Variants in RNF213 observed in about 807,000 individuals in gnomAD.
RNF213 encodes E3 ubiquitin-protein ligase RNF213.
A neutral mutation model predicts 514.4 loss-of-function variants in RNF213; 341 were observed. The ratio of observed to expected loss-of-function variants is 0.66; its 90% CI spans 0.61 to 0.73. RNF213 has a LOEUF of 0.73. RNF213 is among the 30% of genes least tolerant of loss of function. The pLI is 0.00. For missense variants in RNF213, 5,767 were observed against 6,615.6 expected, an observed-to-expected ratio of 0.87 and a Z score of 4.45; for synonymous variants, 2,655 against 2,658.2, an observed-to-expected ratio of 1.00 and a Z score of 0.04.
intron 3 of RNF213, among the ~76,000 whole-genome samples, chr17:80,283,549 G>T (rs1161089105): frequency 1.3e-5 from 2 of 152,218 alleles, no homozygotes; most frequent in Non-Finnish European, 2.9e-5. Context: ...GCCTCCCCGG[G>T]CTCTGCCCAA....
In RNF213 at chr17:80,340,018, T is replaced by C. The variant is rs2078104986; in HGVS notation, c.5651T>C (p.Leu1884Pro). 1 of 1,542,248 alleles carries C rather than the reference T, an allele frequency of 6.5e-7. No individual in the cohort carries two copies. The highest frequency in any genetic ancestry group is 1.2e-5 in the South Asian group (1 of 84,450). The stretch of plus-strand genomic sequence containing the variant: ...CTGTTGCTGCGCCGCTGCCTGACCC[T>C]GGGCTCCCTGGGGCACAAGGTCTAC... ...VALLLRRCLT[L>P]GSLGHKVYSL... The change falls in exon 26 of 68, where the codon CTG becomes CCG. Residue 1884 changes from leucine (L) to proline (P), a missense_variant. Physicochemically the swap from Leu to Pro is moderately conservative, Grantham distance 98. Coordinates refer to ENST00000582970, the MANE Select transcript of RNF213 (RefSeq NM_001256071.3).
chr17:80,279,893 A>G (rs956909013), intron 3 of RNF213, among the ~76,000 whole-genome samples: 3 of 152,256 alleles, frequency 2.0e-5, no homozygotes, highest in African/African-American at 4.8e-5. Flanking sequence ...AGGGAGCTTC[A>G]TACCTTGAAG....
At position 80,290,708 on chromosome 17, in the gene RNF213, C is replaced by T; in HGVS notation, c.1251C>T (p.Ile417=). 1 of 1,614,186 alleles carries T rather than the reference C, an allele frequency of 6.2e-7. No individual in the cohort carries two copies. Among genetic ancestry groups the T allele is most frequent in the South Asian group, 1.1e-5 (1 of 91,090 alleles). ...GGGAGTCAAAATGGGACAGCAATATCTGTGAGCTGCACTACACCAGGTGAG... is the reference window on the plus strand; with the variant it reads ...GGGAGTCAAAATGGGACAGCAATATTTGTGAGCTGCACTACACCAGGTGAG... ...EFGESKWDSN[I]CELHYTRDLG... Residue 417 remains isoleucine (I), a synonymous_variant, in exon 7 of 68, where the codon ATC becomes ATT. Transcript: ENST00000582970.
At chr17:80,272,985 G>A (rs1447496661) in intron 2 of RNF213, among the ~76,000 whole-genome samples, 6 of 152,138 alleles carry the variant, frequency 3.9e-5, no homozygotes, top group African/African-American at 2.4e-5. Context: ...GACATTGGGA[G>A]GAAGAGGCTG....
At chr17:80,389,116 G>A (rs752442204) in intron 64 of RNF213, 57 bp from the exon 65 acceptor site, 5 of 1,526,182 alleles carry the variant, frequency 3.3e-6, no homozygotes, top group South Asian at 1.1e-5. Context: ...CTTACCAGGT[G>A]GTGAGATGCC....
Position 80,345,722 on chromosome 17 carries a change from A to C in RNF213, c.7387A>C (p.Arg2463=). The C allele has an allele frequency of 6.2e-7, 1 of 1,614,258 alleles. No homozygotes were observed. Among genetic ancestry groups the C allele is most frequent in the Non-Finnish European group, 8.5e-7 (1 of 1,180,046 alleles). ...GGTTADMIYS[R]VREAENVAFA... is the part of the protein sequence containing the mutation. Reference sequence around the variant, plus strand: ...AACAACTGCAGACATGATCTACTCCAGAGTCAGGGAGGCTGAAAATGTGGC... The same window carrying C: ...AACAACTGCAGACATGATCTACTCCCGAGTCAGGGAGGCTGAAAATGTGGC... The change falls in exon 29 of 68, where the codon AGA becomes CGA. Residue 2463 remains arginine, a synonymous_variant. Transcript: ENST00000582970. This position sits in a 1 kb window ranked among gnomAD's most constrained non-coding sequence, Gnocchi z 6.0.
At chr17:80,354,942 G>A in intron 36 of RNF213, 1 of 365,114 alleles carries the variant, frequency 2.7e-6, no homozygotes, top group South Asian at 2.2e-5. Context: ...CAGGGGACAG[G>A]CGGGATTTTC....
chr17:80,330,380 G>A (rs545214006), intron 20 of RNF213, among the ~76,000 whole-genome samples: 5 of 152,304 alleles, frequency 3.3e-5, no homozygotes, highest in African/African-American at 7.2e-5. Flanking sequence ...GGGTGCTGCC[G>A]TGGGGTGCTG....
chr17:80,388,916 A>G (rs890296691), intron 64 of RNF213: 44 of 626,348 alleles, frequency 7.0e-5, no homozygotes, highest in Middle Eastern at 4.2e-4. Flanking sequence ...ATGTTGATGC[A>G]TGGCCATGCC....
chr17:80,353,055 T>C lies in RNF213; in HGVS notation c.10419T>C (p.Pro3473=), dbSNP rs754593604. Reference sequence around the variant, plus strand: ...AGCTGTTCGCGCCCGGAGACTTGCCTGAGCGTGAGTCACGAGGCGGAGCCC... The same window carrying C: ...AGCTGTTCGCGCCCGGAGACTTGCCCGAGCGTGAGTCACGAGGCGGAGCCC... The part of the protein sequence containing the change: ...ISQLFAPGDL[P]ELGLEHRAED... The change falls in exon 33 of 68, where the codon CCT becomes CCC. Residue 3473 remains proline, a synonymous_variant. Transcript: ENST00000582970. This position sits in a 1 kb window ranked among gnomAD's most constrained non-coding sequence, Gnocchi z 5.0. 1 of 1,612,308 alleles carries C rather than the reference T, an allele frequency of 6.2e-7. No homozygotes were observed. The highest frequency in any genetic ancestry group is 2.2e-5 in the East Asian group (1 of 44,892).
chr17:80,381,257 T>G, intron 56 of RNF213: 1 of 597,316 alleles, frequency 1.7e-6, no homozygotes, highest in Non-Finnish European at 3.0e-6. Context: ...GCTGACATCT[T>G]CATTATTTTA....
intron 11 of RNF213, among the ~76,000 whole-genome samples, chr17:80,299,109 A>T (rs559143871): frequency 2.2e-4 from 34 of 152,204 alleles, no homozygotes; most frequent in Non-Finnish European, 4.1e-4. Context: ...TTATGTACTT[A>T]AAAGAACAAC....
At chr17:80,328,123 A>G (rs2046326118) in intron 19 of RNF213, 134 bp downstream of exon 19, 4 of 1,189,928 alleles carry the variant, frequency 3.4e-6, no homozygotes, top group South Asian at 3.0e-5. Context: ...CTTCTTGCTC[A>G]TAAGTTGATA....
chr17:80,315,958 G>A (rs1290266715), intron 15 of RNF213: 3 of 151,860 alleles, frequency 2.0e-5, no homozygotes, highest in Non-Finnish European at 4.4e-5. Context: ...GGTGGTGGAG[G>A]TGGTGGAGGT....
At chr17:80,294,133 G>C (rs1299782634) in intron 8 of RNF213, among the ~76,000 whole-genome samples, 1 of 152,172 alleles carries the variant, frequency 6.6e-6, no homozygotes, top group African/African-American at 2.4e-5. Context: ...AACCTCACTG[G>C]GTTTTCTGCA....
In RNF213 at chr17:80,345,967, C is replaced by T. The variant is rs1463392382; in HGVS notation, c.7632C>T (p.Gly2544=). Residue 2544 remains glycine (G), a synonymous_variant, in exon 29 of 68, where the codon GGC becomes GGT. Coordinates refer to ENST00000582970, the MANE Select transcript of RNF213 (RefSeq NM_001256071.3). The surrounding 1 kb of genome is among the most constrained non-coding windows in gnomAD (Gnocchi z 6.0). The part of the protein sequence containing the change: ...MICRLESAGL[G]YRVSMEETAD... ...GCCGTTTGGAGTCAGCTGGTTTGGG[C>T]TACAGGGTTAGTATGGAGGAGACGG... is the stretch of plus-strand genomic sequence containing the variant. The T allele has an allele frequency of 1.1e-5, 17 of 1,614,074 alleles. No homozygotes were observed. The South Asian group carries it at 1.9e-4, about 18-fold the overall frequency.
At chr17:80,312,665 G>T (rs936509834) in intron 14 of RNF213, among the ~76,000 whole-genome samples, 15 of 152,158 alleles carry the variant, frequency 9.9e-5, no homozygotes, top group Non-Finnish European at 2.9e-5. Context: ...GAGTCTGCAG[G>T]GCCCCTCTCT....
chr17:80,381,458 GTGCTCCACTCCCAATGGCC>G lies in RNF213; in HGVS notation c.13798-87_13798-69del. On this transcript the variant is annotated intron_variant, in intron 56 of 67. Transcript: ENST00000582970. ...GAAACCGCCTTCCGACTCTATGCTG[GTGCTCCACTCCCAATGGCC>G]TCTACCAGGCTCACCATCTTCTCTA... 6 of 1,358,598 alleles carry G rather than the reference GTGCTCCACTCCCAATGGCC, an allele frequency of 4.4e-6. No individual in the cohort carries two copies. In the Middle Eastern group the frequency reaches 9.0e-4, roughly 203 times the overall value. The allele number at this position is 1,358,598 out of a possible 1,614,324, so 84.2% of individuals were successfully genotyped here.
At position 80,347,609 on chromosome 17, in the gene RNF213, A is replaced by G; in HGVS notation, c.9274A>G (p.Ile3092Val). The part of the protein sequence containing the change: ...QLCRNINRVK[I>V]CMETGKMVLL... The stretch of plus-strand genomic sequence containing the variant: ...CTGCAGAAACATCAATCGTGTGAAG[A>G]TCTGCATGGAAACAGGCAAGATGGT... Residue 3092 changes from isoleucine to valine, a missense_variant, in exon 29 of 68, where the codon ATC becomes GTC. Ile to Val is a conservative substitution (Grantham distance 29). Around this residue, in one of 13 missense-constraint regions of RNF213, gnomAD observed 919 missense variants for 1,121.0 expected, o/e 0.82. Transcript: ENST00000582970. This position sits in a 1 kb window ranked among gnomAD's most constrained non-coding sequence, Gnocchi z 7.2. 4 of 1,614,148 alleles carry G rather than the reference A, an allele frequency of 2.5e-6. No individual in the cohort carries two copies. The highest frequency in any genetic ancestry group is 3.4e-6 in the Non-Finnish European group (4 of 1,180,028).
Sources: allele counts gnomAD v4.1 joint callset (sites outside exome capture counted in the v4.1 genomes callset), GRCh38; gene constraint gnomAD v4.1.1; regional missense constraint gnomAD v4.1.1; non-coding constraint Gnocchi (gnomAD v3.1); transcripts MANE v1.5; gene names NCBI Gene and HGNC (gene_info 2026-07-23, HGNC 2026-07-21).